The following SORCS2 variants were observed in gnomAD, a reference collection of about 807,000 sequenced individuals.
The protein encoded by SORCS2 is VPS10 domain-containing receptor SorCS2.
A neutral mutation model predicts 141.6 loss-of-function variants in SORCS2; 100 were observed. The ratio of observed to expected loss-of-function variants is 0.71; its 90% CI spans 0.60 to 0.83. The LOEUF (loss-of-function observed/expected upper bound fraction) is 0.83, where lower values mean the gene tolerates loss of function less well. SORCS2 is among the 40% of genes least tolerant of loss of function. The pLI is 0.00. For missense variants in SORCS2, 1,646 were observed against 1,560.2 expected (o/e 1.05, Z -0.93); for synonymous variants, 789 against 676.9 (o/e 1.17, Z -2.57).
intron 2 of SORCS2, among the ~76,000 whole-genome samples, chr4:7,444,544 C>G (rs1560289242): frequency 6.6e-6 from 1 of 152,190 alleles, no homozygotes; most frequent in Non-Finnish European, 1.5e-5. Context: ...GGCCAGGAGA[C>G]TTGAGCGGAG....
intron 1 of SORCS2, among the ~76,000 whole-genome samples, chr4:7,244,827 G>C (rs1346252055): frequency 1.8e-4 from 28 of 152,238 alleles, no homozygotes; most frequent in Admixed American, 1.8e-3. Flanking sequence ...CTTTTGTTCT[G>C]CTCAAGAGCA....
intron 18 of SORCS2, among the ~76,000 whole-genome samples, chr4:7,720,182 G>A (rs1382884351): frequency 6.6e-6 from 1 of 152,258 alleles, no homozygotes; most frequent in East Asian, 1.9e-4. Context: ...GTTTAGGGGA[G>A]TCTAAGTTTT....
At chr4:7,416,761 G>A (rs944069210) in intron 2 of SORCS2, among the ~76,000 whole-genome samples, 2 of 146,726 alleles carry the variant, frequency 1.4e-5, no homozygotes, top group African/African-American at 2.6e-5. Context: ...TGCGCACACA[G>A]ACACATGCAT....
At chr4:7,714,199 C>G in intron 15 of SORCS2, 41 bp from the exon 16 acceptor site, 1 of 1,590,346 alleles carries the variant, frequency 6.3e-7, no homozygotes, top group South Asian at 1.1e-5. Context: ...GAGCAGTTGC[C>G]CTGTCTCAGG....
chr4:7,512,965 G>A (rs969839441), intron 2 of SORCS2, among the ~76,000 whole-genome samples: 2 of 152,168 alleles, frequency 1.3e-5, no homozygotes, highest in African/African-American at 4.8e-5. Flanking sequence ...AGGCCGCAGG[G>A]GAAAGGAGAG....
intron 2 of SORCS2, among the ~76,000 whole-genome samples, chr4:7,425,597 T>A (rs1726376893): frequency 6.6e-6 from 1 of 152,126 alleles, no homozygotes; most frequent in Admixed American, 6.5e-5. Context: ...GTCAGAGGCT[T>A]CTGAGCCGTC....
At chr4:7,597,893 C>G (rs1717391879) in intron 3 of SORCS2, among the ~76,000 whole-genome samples, 1 of 151,406 alleles carries the variant, frequency 6.6e-6, no homozygotes, top group Admixed American at 6.6e-5. Context: ...TCAGCGGATT[C>G]CCAGGAAGGG....
In SORCS2 at chr4:7,236,846, G is replaced by T. The variant is rs373191722; in HGVS notation, c.480+43720G>T. On this transcript the variant is annotated intron_variant, in intron 1 of 26. Coordinates refer to ENST00000507866, the MANE Select transcript of SORCS2 (RefSeq NM_020777.3). ...TCTGCCCACTTCGGCCTCCCAAAGT[G>T]CTGGGATTGCAGGCCTGAGCCACCA... is the stretch of plus-strand genomic sequence containing the variant. 1.6e-4 allele frequency among the ~76,000 whole-genome samples: 24 copies of T among 152,378 alleles called. No individual in the cohort carries two copies. In the South Asian group the frequency reaches 5.0e-3, roughly 32 times the overall value.
intron 1 of SORCS2, among the ~76,000 whole-genome samples, chr4:7,269,584 G>A (rs908560306): frequency 3.9e-5 from 6 of 152,230 alleles, no homozygotes; most frequent in Non-Finnish European, 7.3e-5. Context: ...GTCACACGAA[G>A]GAGAAGGCTA....
intron 3 of SORCS2, among the ~76,000 whole-genome samples, chr4:7,546,366 G>T (rs1560375810): frequency 6.6e-6 from 1 of 152,118 alleles, no homozygotes; most frequent in African/African-American, 2.4e-5. Context: ...AGCTCAGCCT[G>T]CCCAGAGGGA....
At position 7,233,375 on chromosome 4, in the gene SORCS2, G is replaced by A. The variant is rs578060894; in HGVS notation, c.480+40249G>A. 6.6e-6 allele frequency among the ~76,000 whole-genome samples: 1 copy of A among 152,294 alleles called. No individual in the cohort carries two copies. The highest frequency in any genetic ancestry group is 2.1e-4 in the South Asian group (1 of 4,826). ...TGGCCACCGCTGAGCACCTGCTCCA[G>A]GGCAGACGTAGCCCTCATCACGTCC... On this transcript the variant is annotated intron_variant, in intron 1 of 26. Transcript: ENST00000507866. This position sits in a 1 kb window ranked among gnomAD's most constrained non-coding sequence, Gnocchi z 4.5.
chr4:7,595,777 A>G (rs1717234044), intron 3 of SORCS2, among the ~76,000 whole-genome samples: 1 of 152,138 alleles, frequency 6.6e-6, no homozygotes, highest in African/African-American at 2.4e-5. Context: ...ATGGGTAGGG[A>G]CAGTGGTTCT....
chr4:7,446,156 G>A (rs1727979382), intron 2 of SORCS2, among the ~76,000 whole-genome samples: 1 of 152,054 alleles, frequency 6.6e-6, no homozygotes, highest in Non-Finnish European at 1.5e-5. Context: ...TGGAGGGATG[G>A]GGATAAAGGA....
chr4:7,701,875 C>A (rs1276053098), intron 12 of SORCS2, among the ~76,000 whole-genome samples: 3 of 152,166 alleles, frequency 2.0e-5, no homozygotes, highest in Non-Finnish European at 4.4e-5. Context: ...CTTGAATGTC[C>A]CCCTGGAGCC....
rs572232862 is a variant in SORCS2 at position 7,578,854 on chromosome 4, G to C, written c.648+47225G>C. Among the ~76,000 whole-genome samples the C allele has an allele frequency of 5.9e-5, 9 of 152,296 alleles. No homozygotes were observed. In the South Asian group the frequency reaches 1.7e-3, roughly 28 times the overall value. On this transcript the variant is annotated intron_variant, in intron 3 of 26. Coordinates refer to ENST00000507866, the MANE Select transcript of SORCS2 (RefSeq NM_020777.3). ...CAATTTCATTTCTGCAAATGTTAGT[G>C]ATTGAAACCTTTCTGTTTGCTGGAT... is the stretch of plus-strand genomic sequence containing the variant.
At position 7,619,415 on chromosome 4, in the gene SORCS2, G is replaced by A. The variant is rs920413583; in HGVS notation, c.649-18913G>A. Among the ~76,000 whole-genome samples the A allele has an allele frequency of 1.9e-4, 29 of 152,156 alleles. 1 individual carries two copies. Among genetic ancestry groups the A allele is most frequent in the East Asian group, 1.9e-4 (1 of 5,182 alleles). On this transcript the variant is annotated intron_variant, in intron 3 of 26. Coordinates refer to ENST00000507866, the MANE Select transcript of SORCS2 (RefSeq NM_020777.3). ...GAAGTCTGGGAGCGTGGCTTCCCCA[G>A]ACATTTCCCTTAAAACAGTCCGGAA...
intron 1 of SORCS2, among the ~76,000 whole-genome samples, chr4:7,210,277 C>T (rs899394613): frequency 1.3e-5 from 2 of 152,140 alleles, no homozygotes; most frequent in East Asian, 1.9e-4. Context: ...ACCCTTGACC[C>T]TTATTATCAC....
intron 1 of SORCS2, among the ~76,000 whole-genome samples, chr4:7,235,182 C>T (rs1032244133): frequency 6.6e-6 from 1 of 152,202 alleles, no homozygotes; most frequent in Non-Finnish European, 1.5e-5. Flanking sequence ...CGGGAGGTGG[C>T]GAGCACACAG....
At chr4:7,419,163 G>T (rs1577529592) in intron 2 of SORCS2, among the ~76,000 whole-genome samples, 1 of 152,238 alleles carries the variant, frequency 6.6e-6, no homozygotes, top group African/African-American at 2.4e-5. Context: ...GGGAGGGGAT[G>T]AATTGCAGCC....
Sources: gnomAD v4.1 joint callset for allele counts (sites outside exome capture counted in the v4.1 genomes callset) on GRCh38, gnomAD v4.1.1 for gene constraint, Gnocchi (gnomAD v3.1) non-coding constraint, MANE v1.5 for transcripts, NCBI Gene and HGNC (gene_info 2026-07-23, HGNC 2026-07-21) for gene names.